Variants in TMEM39A observed in about 807,000 individuals in gnomAD.
TMEM39A encodes the protein suppressor of SQST-1 aggregates in rpl-43 mutants.
A neutral mutation model predicts 51.9 loss-of-function variants in TMEM39A; 19 were observed. The ratio of observed to expected loss-of-function variants is 0.37; its 90% confidence interval spans 0.26 to 0.54. The LOEUF (loss-of-function observed/expected upper bound fraction) is 0.54, where lower values mean the gene tolerates loss of function less well. Among genes scored for constraint, TMEM39A ranks in the 20% least tolerant of loss-of-function variants. The pLI is 0.88. For synonymous variants in TMEM39A, 197 were observed against 220.2 expected, an observed-to-expected ratio of 0.89 and a Z score of 0.93; for missense variants, 433 against 590.5, an observed-to-expected ratio of 0.73 and a Z score of 2.76.
chr3:119,463,591 C>T lies in TMEM39A; in HGVS notation c.-330G>A, dbSNP rs2081368851. ...AGAGCCTGATACTTCAGCACCCATC[C>T]CTAGCCTCCATTACCGCGGAGCTGA... is the stretch of plus-strand genomic sequence containing the variant. On this transcript the variant is annotated 5_prime_UTR_variant, in exon 1 of 9. Coordinates refer to ENST00000319172, the MANE Select transcript of TMEM39A (RefSeq NM_018266.3). 5.0e-6 allele frequency: 2 copies of T among 398,688 alleles called. No homozygotes were observed. The highest frequency in any genetic ancestry group is 2.5e-4 in the South Asian group (2 of 7,872). 24.7% of individuals were successfully genotyped at this position (398,688 alleles called of 1,614,324 possible).
At chr3:119,453,029 G>C (rs965680468) in intron 3 of TMEM39A, among the ~76,000 whole-genome samples, 1 of 151,982 alleles carries the variant, frequency 6.6e-6, no homozygotes, top group Non-Finnish European at 1.5e-5. Flanking sequence ...GTTTGATTTA[G>C]AAGTATGCCT....
rs2080885883 is a variant in TMEM39A at position 119,430,576 on chromosome 3, A to G, written c.*1405T>C. On this transcript the variant is annotated 3_prime_UTR_variant, in exon 9 of 9. Transcript: ENST00000319172. ...TAATATATATTTGTTGAATGGTTGA[A>G]CAGACTCAGACTGAATGCCAAATAA... 1 of 152,122 alleles carries G rather than the reference A, an allele frequency of 6.6e-6. No homozygotes were observed. The highest frequency in any genetic ancestry group is 1.5e-5 in the Non-Finnish European group (1 of 68,008). 9.4% of individuals were successfully genotyped at this position (152,122 alleles called of 1,614,324 possible).
intron 5 of TMEM39A, among the ~76,000 whole-genome samples, chr3:119,442,275 A>G (rs561222475): frequency 6.6e-6 from 1 of 151,788 alleles, no homozygotes; most frequent in Admixed American, 6.6e-5. Flanking sequence ...CCTGGGAGGC[A>G]GAGGTTGCAG....
rs1389179162 is a variant in TMEM39A at position 119,446,990 on chromosome 3, A to G, written c.575+28T>C. ...CCGAAATAATTTCTAAAGATTTACT[A>G]ATAACATGGTAAAACTGGAGTACTC... On this transcript the variant is annotated intron_variant, in intron 5 of 8. Coordinates refer to ENST00000319172, the MANE Select transcript of TMEM39A (RefSeq NM_018266.3). 4 of 1,598,736 alleles carry G rather than the reference A, an allele frequency of 2.5e-6. No individual in the cohort carries two copies. In the East Asian group the frequency reaches 6.7e-5, roughly 27 times the overall value.
chr3:119,444,346 C>A (rs973029376), intron 5 of TMEM39A, among the ~76,000 whole-genome samples: 6 of 152,112 alleles, frequency 3.9e-5, no homozygotes, highest in Non-Finnish European at 8.8e-5. Context: ...AAATATTAAT[C>A]TATAAATATA....
chr3:119,438,232 G>A (rs1444184786), intron 5 of TMEM39A, 129 bp from the exon 6 acceptor site: 1 of 599,780 alleles, frequency 1.7e-6, no homozygotes, highest in Non-Finnish European at 2.7e-6. Flanking sequence ...CATAACTCAA[G>A]AGGGACATTG....
At chr3:119,434,435 C>T (rs2080941470) in intron 8 of TMEM39A, among the ~76,000 whole-genome samples, 1 of 152,080 alleles carries the variant, frequency 6.6e-6, no homozygotes, top group Non-Finnish European at 1.5e-5. Flanking sequence ...ACCACTAAAC[C>T]AAACTCTTAC....
chr3:119,451,942 C>T (rs1004811167), intron 4 of TMEM39A, among the ~76,000 whole-genome samples: 2 of 151,688 alleles, frequency 1.3e-5, no homozygotes, highest in Admixed American at 6.6e-5. Context: ...TCTCATTCTG[C>T]TCACTAAACT....
chr3:119,459,417 A>C (rs1444821805), intron 2 of TMEM39A, among the ~76,000 whole-genome samples: 1 of 152,250 alleles, frequency 6.6e-6, no homozygotes, highest in Non-Finnish European at 1.5e-5. Flanking sequence ...AAAGGCATAA[A>C]GAGGAATAGA....
intron 3 of TMEM39A, among the ~76,000 whole-genome samples, chr3:119,454,872 T>A (rs2081245017): frequency 6.6e-6 from 1 of 151,958 alleles, no homozygotes; most frequent in Non-Finnish European, 1.5e-5. Context: ...AAAATGGTAA[T>A]GTGCTTATGA....
intron 3 of TMEM39A, among the ~76,000 whole-genome samples, chr3:119,456,153 G>A (rs1039854515): frequency 6.6e-6 from 1 of 152,106 alleles, no homozygotes; most frequent in Non-Finnish European, 1.5e-5. Flanking sequence ...AAGATAGTGA[G>A]TATTTATTTA....
At chr3:119,437,297 G>GGT (rs1325898935) in intron 6 of TMEM39A, among the ~76,000 whole-genome samples, 3 of 152,094 alleles carry the variant, frequency 2.0e-5, no homozygotes, top group African/African-American at 4.8e-5. Flanking sequence ...GCACTAAAAT[G>GGT]TACCAAAAGA....
Position 119,432,069 on chromosome 3 carries a change from T to G in TMEM39A, c.1379A>C (p.Tyr460Ser). Residue 460 changes from tyrosine (Y) to serine (S), a missense_variant, in exon 9 of 9, where the codon TAT becomes TCT. Tyr to Ser is a moderately radical substitution (Grantham distance 144). Coordinates refer to ENST00000319172, the MANE Select transcript of TMEM39A (RefSeq NM_018266.3). ...SMALILFCNY[Y>S]VLFKLLRDRI... ...GTCCCGGAGAAGTTTAAATAAAACA[T>G]AGTAGTTGCAGAAGAGGATGAGAGC... 1 of 1,613,084 alleles carries G rather than the reference T, an allele frequency of 6.2e-7. No individual in the cohort carries two copies.
At chr3:119,435,577 T>C (rs1360485905) in intron 7 of TMEM39A, 1 of 521,354 alleles carries the variant, frequency 1.9e-6, no homozygotes, top group Admixed American at 6.8e-5. Context: ...TTAAGCTTTT[T>C]AAAAAAAAAA....
chr3:119,446,558 T>C (rs529517126), intron 5 of TMEM39A: 1 of 153,788 alleles, frequency 6.5e-6, no homozygotes, highest in South Asian at 2.0e-4. Context: ...CCTTGGTTGA[T>C]CGCAGGTAAC....
intron 5 of TMEM39A, among the ~76,000 whole-genome samples, chr3:119,446,357 C>T (rs1420241161): frequency 6.7e-6 from 1 of 150,362 alleles, no homozygotes; most frequent in East Asian, 1.9e-4. Context: ...CATCTAATAA[C>T]CAAGTCCGCT....
chr3:119,450,596 T>C (rs531235517), intron 4 of TMEM39A, among the ~76,000 whole-genome samples: 1 of 151,976 alleles, frequency 6.6e-6, no homozygotes, highest in African/African-American at 2.4e-5. Flanking sequence ...CCAAGGTGGG[T>C]GGATCACTTT....
chr3:119,451,926 ATTCT>A (rs2081205932), intron 4 of TMEM39A, among the ~76,000 whole-genome samples: 1 of 151,984 alleles, frequency 6.6e-6, no homozygotes, highest in South Asian at 2.1e-4. Flanking sequence ...TAATGTTCTA[ATTCT>A]TTCTCATTCT....
intron 4 of TMEM39A, chr3:119,451,240 C>T: frequency 7.8e-7 from 1 of 1,282,124 alleles, no homozygotes; most frequent in Non-Finnish European, 1.0e-6. Flanking sequence ...AAATGGTTTT[C>T]AGATCTTGAC....
Sources: allele counts gnomAD v4.1 joint callset (sites outside exome capture counted in the v4.1 genomes callset), GRCh38; gene constraint gnomAD v4.1.1; transcripts MANE v1.5; gene names NCBI Gene and HGNC (gene_info 2026-07-23, HGNC 2026-07-21).